The following RGS3 variants were observed in gnomAD, a reference collection of about 807,000 sequenced individuals.
RGS3 encodes the protein regulator of G protein signaling 3, also known as regulator of G-protein signalling 3.
A neutral mutation model predicts 132.6 loss-of-function variants in RGS3; 80 were observed. That is an observed-to-expected ratio of 0.60 (90% CI 0.50 to 0.73). The LOEUF (loss-of-function observed/expected upper bound fraction) is 0.73, where lower values mean the gene tolerates loss of function less well. Among genes scored for constraint, RGS3 ranks in the 30% least tolerant of loss-of-function variants. The pLI is 0.00. For synonymous variants in RGS3, 598 were observed against 620.6 expected (o/e 0.96, Z 0.54); for missense variants, 1,382 against 1,530.8 (o/e 0.90, Z 1.62).
intron 1 of RGS3, among the ~76,000 whole-genome samples, chr9:113,452,988 T>G (rs1179647214): frequency 1.5e-5 from 2 of 133,702 alleles, no homozygotes; most frequent in Non-Finnish European, 3.1e-5. Context: ...ACATAATATA[T>G]AATATATAAA....
At chr9:113,542,404 A>G (rs138522961) in intron 19 of RGS3, among the ~76,000 whole-genome samples, 494 of 152,246 alleles carry the variant, frequency 3.2e-3, no homozygotes, top group Middle Eastern at 0.01. Flanking sequence ...TTGCAAGTAC[A>G]TTTTTACAAG....
chr9:113,451,645 A>T (rs1829248142), intron 1 of RGS3, among the ~76,000 whole-genome samples: 1 of 151,148 alleles, frequency 6.6e-6, no homozygotes, highest in South Asian at 2.1e-4. Context: ...AGAAGGCAAC[A>T]TATGCAATTT....
chr9:113,594,586 G>A, intron 22 of RGS3, 55 bp downstream of exon 20: 1 of 1,389,482 alleles, frequency 7.2e-7, no homozygotes, highest in Non-Finnish European at 1.0e-6. Flanking sequence ...GCTCCCCGGG[G>A]AGTAGGACTG....
chr9:113,584,641 A>T (rs1226815106), intron 20 of RGS3, among the ~76,000 whole-genome samples: 3 of 152,230 alleles, frequency 2.0e-5, no homozygotes, highest in African/African-American at 7.2e-5. Context: ...AGGATTCCAG[A>T]TGCTGTGTTC....
chr9:113,533,719 G>A lies in RGS3; in HGVS notation c.1915-3077G>A, dbSNP rs532412893. ...AGGGCCAGGGCCAGCTTCATGGAGT[G>A]ATGGCCTTTCCAAGCTGGAAGGGAC... On this transcript the variant is annotated intron_variant, in intron 18 of 24. Transcript: ENST00000350696. 7.9e-5 allele frequency among the ~76,000 whole-genome samples: 12 copies of A among 152,334 alleles called. No homozygotes were observed. In the South Asian group the frequency reaches 1.5e-3, roughly 18 times the overall value.
At chr9:113,458,840 C>T (rs111239395), upstream of RGS3, among the ~76,000 whole-genome samples, 5,991 of 152,298 alleles carry the variant, frequency 0.039, 165 homozygotes, top group South Asian at 0.1. Context: ...CAACCTCTGC[C>T]TCCCGGGTTC....
At chr9:113,593,271 G>A (rs529205904) in intron 21 of RGS3, among the ~76,000 whole-genome samples, 20 of 152,314 alleles carry the variant, frequency 1.3e-4, no homozygotes, top group African/African-American at 4.8e-4. Context: ...AGCTTGAATA[G>A]CATCAGAAGT....
intron 3 of RGS3, among the ~76,000 whole-genome samples, chr9:113,471,442 C>T (rs1044222686): frequency 6.6e-6 from 1 of 152,184 alleles, no homozygotes; most frequent in African/African-American, 2.4e-5. Context: ...TAGCTCCTCT[C>T]TCTCTTGTTG....
chr9:113,526,750 A>G (rs938735320), intron 17 of RGS3, among the ~76,000 whole-genome samples: 1 of 152,292 alleles, frequency 6.6e-6, no homozygotes, highest in Admixed American at 6.5e-5. Flanking sequence ...TCCCTCCTGC[A>G]TGGTCCATGT....
chr9:113,566,608 A>G (rs112603375), intron 19 of RGS3, among the ~76,000 whole-genome samples: 2,507 of 152,310 alleles, frequency 0.016, 35 homozygotes, highest in Middle Eastern at 0.065. Flanking sequence ...CAAGAACAGG[A>G]CATGTGGGAA....
At chr9:113,541,351 A>AGATGGG in intron 19 of RGS3, 1 of 1,613,866 alleles carries the variant, frequency 6.2e-7, no homozygotes, top group Non-Finnish European at 8.5e-7. Context: ...CTCCAGCAGG[A>AGATGGG]GATGGGGCCG....
exon 25 of RGS3, chr9:113,597,347 CT>C (rs1288598191): frequency 6.0e-6 from 1 of 166,656 alleles, no homozygotes; most frequent in African/African-American, 2.4e-5. Flanking sequence ...GCCATTGGAG[CT>C]TGCAGCTCAG....
At chr9:113,546,912 C>T (rs752307180) in intron 19 of RGS3, among the ~76,000 whole-genome samples, 1 of 152,214 alleles carries the variant, frequency 6.6e-6, no homozygotes, top group Non-Finnish European at 1.5e-5. Flanking sequence ...ACCGTGTGAC[C>T]TTGAGCAAAT....
intron 1 of RGS3, among the ~76,000 whole-genome samples, chr9:113,452,188 A>G (rs752015201): frequency 1.5e-4 from 23 of 151,672 alleles, no homozygotes; most frequent in Non-Finnish European, 2.9e-4. Context: ...TTTTGTGGAG[A>G]TGGGTCTTGC....
chr9:113,591,542 C>A lies in RGS3; in HGVS notation c.3080+145C>A. 1 of 737,488 alleles carries A rather than the reference C, an allele frequency of 1.4e-6. No homozygotes were observed. Among genetic ancestry groups the A allele is most frequent in the Non-Finnish European group, 2.4e-6 (1 of 423,838 alleles). The allele number at this position is 737,488 out of a possible 1,614,324, so 45.7% of individuals were successfully genotyped here. On this transcript the variant is annotated intron_variant, in intron 21 of 24. Transcript: ENST00000350696. This position sits in a 1 kb window ranked among gnomAD's most constrained non-coding sequence, Gnocchi z 4.4. The stretch of plus-strand genomic sequence containing the variant: ...GACAGACACCAAGGAAAAACTGGAT[C>A]TTGGAACTTTGCAGTGACCCCAAAG...
intron 16 of RGS3, 71 bp from the exon 15 acceptor site, chr9:113,522,859 G>A (rs111411200): frequency 1.9e-5 from 18 of 959,056 alleles, no homozygotes; most frequent in African/African-American, 1.8e-4. Context: ...CCACCTTCTC[G>A]GGGAGGTTGT....
At chr9:113,505,209 T>C (rs1831074667) in intron 10 of RGS3, 1 of 557,512 alleles carries the variant, frequency 1.8e-6, no homozygotes, top group South Asian at 2.3e-5. Context: ...CCTCCCCACA[T>C]CAGCCTGGGT....
At chr9:113,500,343 G>A (rs1312398886) in intron 10 of RGS3, among the ~76,000 whole-genome samples, 1 of 152,186 alleles carries the variant, frequency 6.6e-6, no homozygotes, top group Non-Finnish European at 1.5e-5. Flanking sequence ...ACCAAAGCTG[G>A]GTTGAACCAA....
chr9:113,560,371 C>T (rs1175876578), intron 19 of RGS3, among the ~76,000 whole-genome samples: 2 of 152,180 alleles, frequency 1.3e-5, no homozygotes, highest in African/African-American at 4.8e-5. Context: ...GTGTCAGGTG[C>T]CCCAGAACAA....
Sources: allele counts gnomAD v4.1 joint callset (sites outside exome capture counted in the v4.1 genomes callset), GRCh38; gene constraint gnomAD v4.1.1; non-coding constraint Gnocchi (gnomAD v3.1); transcripts MANE v1.5; gene names NCBI Gene and HGNC (gene_info 2026-07-23, HGNC 2026-07-21).